TEX11: variants seen among roughly 807,000 people sequenced by gnomAD.
The protein encoded by TEX11 is testis-expressed protein 11.
In TEX11, 7 loss-of-function variants were observed where a neutral mutation model predicts 84.4. The observed-to-expected ratio is 0.08, with a 90% CI of 0.05 to 0.16. The LOEUF is 0.16. Among genes scored for constraint, TEX11 ranks in the 10% least tolerant of loss-of-function variants. The probability of loss-of-function intolerance (pLI) is 1.00; values close to 1 mark genes in which losing one functional copy is unlikely to be tolerated. For synonymous variants in TEX11, 264 were observed against 222.8 expected, an observed-to-expected ratio of 1.18 and a Z score of -1.64; for missense variants, 551 against 660.5, an observed-to-expected ratio of 0.83 and a Z score of 1.82.
chrX:70,873,107 T>C (rs901557902), intron 4 of TEX11, 116 bp downstream of exon 4: 4 of 450,095 alleles, frequency 8.9e-6, no homozygotes, highest in Non-Finnish European at 1.1e-5. Flanking sequence ...GTTTTGTTTG[T>C]CTTTTAACAA....
At chrX:70,663,537 C>G (rs761426143) in intron 16 of TEX11, among the ~76,000 whole-genome samples, 1 of 111,621 alleles carries the variant, frequency 9.0e-6, no homozygotes, top group African/African-American at 3.3e-5. Flanking sequence ...AGTGCTCTCA[C>G]CATCCTCAGT....
At chrX:70,833,637 G>A (rs1786597359) in intron 7 of TEX11, 44 bp from the exon 8 acceptor site, 1 of 1,025,507 alleles carries the variant, frequency 9.8e-7, no homozygotes, top group South Asian at 2.0e-5. Flanking sequence ...AAATGACAAG[G>A]TTATTTGTCT....
Position 70,692,438 on chromosome X carries a change from C to T in TEX11, c.1005-9613G>A, listed in dbSNP as rs186994217. 2.1e-3 allele frequency among the ~76,000 whole-genome samples: 228 copies of T among 110,662 alleles called. 2 individuals are homozygous for T. The highest frequency in any genetic ancestry group is 3.8e-3 in the Non-Finnish European group (200 of 52,883). On this transcript the variant is annotated intron_variant, in intron 13 of 29. Coordinates refer to ENST00000374333, the MANE Select transcript of TEX11 (RefSeq NM_031276.3). ...TTGAGCAACAATACCCCCTCTCCCC[C>T]ACCTCCCAGCCCCTAGTAACCACCA...
chrX:70,515,843 G>C, the TEX11 span, among the ~76,000 whole-genome samples: 1 of 112,256 alleles, frequency 8.9e-6, no homozygotes, highest in Non-Finnish European at 1.9e-5. Flanking sequence ...TCTCATTGTG[G>C]TTTTCATTTG....
At chrX:70,716,512 G>A (rs763372546) in intron 13 of TEX11, among the ~76,000 whole-genome samples, 6 of 112,331 alleles carry the variant, frequency 5.3e-5, no homozygotes, top group East Asian at 2.8e-4. Flanking sequence ...CCCCAGCCTC[G>A]CTGCTGCCTT....
intron 8 of TEX11, among the ~76,000 whole-genome samples, chrX:70,819,289 G>GA (rs1280104590): frequency 8.9e-6 from 1 of 111,776 alleles, no homozygotes; most frequent in East Asian, 2.8e-4. Flanking sequence ...TTCAACACGT[G>GA]AAAATCAATG....
At chrX:70,890,162 A>G (rs1325747951) in intron 2 of TEX11, among the ~76,000 whole-genome samples, 1 of 112,107 alleles carries the variant, frequency 8.9e-6, no homozygotes, top group East Asian at 2.8e-4. Context: ...GATTTCATGA[A>G]AAAAACTAAA....
rs987980146 is a variant in TEX11 at position 70,658,299 on chromosome X, C to T, written c.1381-6747G>A. On this transcript the variant is annotated intron_variant, in intron 16 of 29. Coordinates refer to ENST00000374333, the MANE Select transcript of TEX11 (RefSeq NM_031276.3). ...GGGCACGATGGCGGGTGCCTGTAATCCCAGCTACTCGGGAGGCTGAGGGAG... is the reference window on the plus strand; with the variant it reads ...GGGCACGATGGCGGGTGCCTGTAATTCCAGCTACTCGGGAGGCTGAGGGAG... Among the ~76,000 whole-genome samples the T allele has an allele frequency of 3.9e-4, 43 of 110,708 alleles. No homozygotes were observed. In the Admixed American group the frequency reaches 3.9e-3, roughly 10 times the overall value.
chrX:70,861,772 A>G (rs747256975), intron 4 of TEX11, among the ~76,000 whole-genome samples: 5 of 110,934 alleles, frequency 4.5e-5, no homozygotes, highest in African/African-American at 1.6e-4. Flanking sequence ...CGGCCCAGAG[A>G]GATATTTAAT....
At chrX:70,720,041 A>C (rs1166137719) in intron 13 of TEX11, among the ~76,000 whole-genome samples, 1 of 112,074 alleles carries the variant, frequency 8.9e-6, no homozygotes, top group Non-Finnish European at 1.9e-5. Flanking sequence ...AAGGATTATA[A>C]ATCATGCTGC....
chrX:70,720,380 A>G (rs2090548138), intron 13 of TEX11, among the ~76,000 whole-genome samples: 1 of 110,587 alleles, frequency 9.0e-6, no homozygotes, highest in African/African-American at 3.3e-5. Context: ...GGGGTGGGAG[A>G]AGGGGGTAGG....
At chrX:70,849,734 CACA>C (rs2091497475) in intron 7 of TEX11, among the ~76,000 whole-genome samples, 1 of 111,905 alleles carries the variant, frequency 8.9e-6, no homozygotes, top group African/African-American at 3.2e-5. Context: ...TAGCCTTCAC[CACA>C]ACTTCTGAAG....
At chrX:70,712,191 A>G (rs1403479237) in intron 13 of TEX11, among the ~76,000 whole-genome samples, 1 of 111,584 alleles carries the variant, frequency 9.0e-6, no homozygotes, top group Non-Finnish European at 1.9e-5. Flanking sequence ...TGGTTACTGT[A>G]GCCTTGTAGT....
intron 20 of TEX11, among the ~76,000 whole-genome samples, chrX:70,621,084 G>C (rs1194615002): frequency 9.0e-6 from 1 of 110,939 alleles, no homozygotes; most frequent in Non-Finnish European, 1.9e-5. Context: ...ATTATGATAT[G>C]TCAATTTAGC....
chrX:70,697,228 A>G (rs754048193), intron 13 of TEX11, among the ~76,000 whole-genome samples: 1 of 111,978 alleles, frequency 8.9e-6, no homozygotes, highest in Non-Finnish European at 1.9e-5. Context: ...TTTTAAATTC[A>G]ACTGGTTAGT....
intron 25 of TEX11, among the ~76,000 whole-genome samples, chrX:70,560,945 C>T (rs1021758253): frequency 6.5e-5 from 5 of 77,147 alleles, no homozygotes; most frequent in East Asian, 4.8e-4. Flanking sequence ...CATAGGGTCT[C>T]GCCATGTTGC....
intron 11 of TEX11, among the ~76,000 whole-genome samples, chrX:70,734,630 G>C (rs2090681803): frequency 1.8e-5 from 2 of 111,979 alleles, no homozygotes; most frequent in African/African-American, 6.5e-5. Flanking sequence ...TATTTAAGCT[G>C]TTTCCAACGC....
intron 5 of TEX11, among the ~76,000 whole-genome samples, chrX:70,858,916 T>C (rs2091553020): frequency 9.1e-6 from 1 of 110,270 alleles, no homozygotes; most frequent in African/African-American, 3.3e-5. Context: ...TGGGCGCCTG[T>C]AATTCCAGCT....
rs1270273177 is a variant in TEX11, at chrX:70,553,263, T to C, written c.2399+43A>G. 1.2e-5 allele frequency: 11 copies of C among 930,147 alleles called. No individual in the cohort carries two copies. The African/African-American group carries it at 1.8e-4, about 15-fold the overall frequency. The allele number at this position is 930,147 out of a possible 1,213,427, so 76.7% of individuals were successfully genotyped here. A position where few individuals can be genotyped will look rare whatever the true frequency, so the allele number is the denominator to read the frequency against. ...TTGGTTACTTTTGAGGCATTGACTATAGTTCTTTTGGCTAGCAAAAAGGCT... is the reference window on the plus strand; with the variant it reads ...TTGGTTACTTTTGAGGCATTGACTACAGTTCTTTTGGCTAGCAAAAAGGCT... On this transcript the variant is annotated intron_variant, in intron 27 of 29. Coordinates refer to ENST00000374333, the MANE Select transcript of TEX11 (RefSeq NM_031276.3).
Sources: gnomAD v4.1 joint callset for allele counts (sites outside exome capture counted in the v4.1 genomes callset) on GRCh38, gnomAD v4.1.1 for gene constraint, MANE v1.5 for transcripts, NCBI Gene and HGNC (gene_info 2026-07-23, HGNC 2026-07-21) for gene names.